SVOPL: variants seen among roughly 807,000 people sequenced by gnomAD.
SVOPL encodes SVOP like.
A neutral mutation model predicts 61.0 loss-of-function variants in SVOPL; 60 were observed. That is an observed-to-expected ratio of 0.98 (90% CI 0.80 to 1.22). The LOEUF is 1.22. Among genes scored for constraint, SVOPL ranks in the 50% most tolerant of loss-of-function variants. The pLI is 0.00. For synonymous variants in SVOPL, 279 were observed against 250.0 expected, an observed-to-expected ratio of 1.12 and a Z score of -1.09; for missense variants, 662 against 643.9, an observed-to-expected ratio of 1.03 and a Z score of -0.30.
chr7:138,652,032 T>C (rs546762318), intron 7 of SVOPL, among the ~76,000 whole-genome samples: 2 of 152,096 alleles, frequency 1.3e-5, no homozygotes, highest in South Asian at 4.2e-4. Flanking sequence ...GTCTAGTAGA[T>C]GGAATTACAG....
At chr7:138,641,844 T>TAAC (rs1444970047) in intron 9 of SVOPL, among the ~76,000 whole-genome samples, 1 of 144,676 alleles carries the variant, frequency 6.9e-6, no homozygotes, top group Admixed American at 7.0e-5. Context: ...AACATATATA[T>TAAC]ATAACATATA....
chr7:138,600,506 G>A (rs1011401083), intron 14 of SVOPL, among the ~76,000 whole-genome samples: 1 of 151,668 alleles, frequency 6.6e-6, no homozygotes, highest in African/African-American at 2.4e-5. Flanking sequence ...GAAGGCTGAG[G>A]TGGAAGGATC....
Position 138,637,497 on chromosome 7 carries a change from T to TAG in SVOPL, c.789+7219_789+7220insCT, listed in dbSNP as rs1199738868. Among the ~76,000 whole-genome samples, 65 of 21,298 alleles carry TAG rather than the reference T, an allele frequency of 3.1e-3. 2 individuals are homozygous for TAG. The South Asian group carries it at 0.065, about 21-fold the overall frequency. 14.0% of individuals were successfully genotyped at this position (21,298 alleles called of 152,430 possible). A position where few individuals can be genotyped will look rare whatever the true frequency, so the allele number is the denominator to read the frequency against. ...ATAGATATAGATATAGATAGATATATATATATATATATAGATAGATAGATA... is the reference window on the plus strand; with the variant it reads ...ATAGATATAGATATAGATAGATATATAGATATATATATATAGATAGATAGATA... On this transcript the variant is annotated intron_variant, in intron 9 of 15. Coordinates refer to ENST00000674285, the MANE Select transcript of SVOPL (RefSeq NM_001139456.2).
intron 13 of SVOPL, among the ~76,000 whole-genome samples, chr7:138,622,246 C>G (rs1336807899): frequency 0.08 from 8,599 of 107,038 alleles, 743 homozygotes; most frequent in Middle Eastern, 0.1. Context: ...ATCTATCTAT[C>G]TATCTATGTA....
At chr7:138,642,189 T>C (rs546458730) in intron 9 of SVOPL, among the ~76,000 whole-genome samples, 164 of 149,726 alleles carry the variant, frequency 1.1e-3, no homozygotes, top group African/African-American at 3.7e-3. Context: ...GCTAATTGTT[T>C]ATTAAAAATA....
At chr7:138,689,564 G>T (rs202005762) in intron 1 of SVOPL, 18 of 322,132 alleles carry the variant, frequency 5.6e-5, no homozygotes, top group Non-Finnish European at 8.1e-5. Flanking sequence ...AGTAAAAAAA[G>T]AAAAAAAAAA....
At position 138,594,443 on chromosome 7, in the gene SVOPL, TCAATATACAGTTA is replaced by T; in HGVS notation, c.*154_*166del. The T allele has an allele frequency of 2.2e-6, 1 of 450,714 alleles. No homozygotes were observed. Among genetic ancestry groups the T allele is most frequent in the Non-Finnish European group, 3.9e-6 (1 of 255,334 alleles). The allele number at this position is 450,714 out of a possible 1,614,324, so 27.9% of individuals were successfully genotyped here. A position where few individuals can be genotyped will look rare whatever the true frequency, so the allele number is the denominator to read the frequency against. On this transcript the variant is annotated 3_prime_UTR_variant, in exon 16 of 16. Coordinates refer to ENST00000674285, the MANE Select transcript of SVOPL (RefSeq NM_001139456.2). ...TATATATTGTTCCTCAAGGAAGAGA[TCAATATACAGTTA>T]CCTACCCCATTCCCATATATGCCTT...
intron 14 of SVOPL, among the ~76,000 whole-genome samples, chr7:138,612,589 C>A (rs2116826532): frequency 6.7e-6 from 1 of 149,958 alleles, no homozygotes; most frequent in African/African-American, 2.5e-5. Context: ...GATCTTAGCT[C>A]ACTGCACCTC....
chr7:138,634,391 C>T (rs1457398804), intron 9 of SVOPL, among the ~76,000 whole-genome samples: 1 of 151,874 alleles, frequency 6.6e-6, no homozygotes, highest in African/African-American at 2.4e-5. Flanking sequence ...GCCTGTAATT[C>T]CAGCACTTTG....
Position 138,620,998 on chromosome 7 carries a change from AC to A in SVOPL, c.1353+47del, listed in dbSNP as rs566543188. 276 of 1,561,162 alleles carry A rather than the reference AC, an allele frequency of 1.8e-4. No individual in the cohort carries two copies. In the African/African-American group the frequency reaches 3.5e-3, roughly 20 times the overall value. Reference sequence around the variant, plus strand: ...ATCTGAAGGTCCCTGGGTTCCTCTTACCCCCTCTCTCAGACTCTCTCTCTCC... The same window carrying A: ...ATCTGAAGGTCCCTGGGTTCCTCTTACCCCTCTCTCAGACTCTCTCTCTCC... On this transcript the variant is annotated intron_variant, in intron 14 of 15. Transcript: ENST00000674285.
intron 8 of SVOPL, among the ~76,000 whole-genome samples, chr7:138,648,356 A>G (rs1801229310): frequency 6.6e-6 from 1 of 151,302 alleles, no homozygotes; most frequent in Non-Finnish European, 1.5e-5. Flanking sequence ...CATGCCTGTA[A>G]TCCCAGCACT....
chr7:138,648,909 G>C, intron 8 of SVOPL, 103 bp downstream of exon 8: 1 of 1,534,112 alleles, frequency 6.5e-7, no homozygotes, highest in Non-Finnish European at 8.8e-7. Flanking sequence ...ACAACAAAGA[G>C]AGACTCTGTC....
intron 14 of SVOPL, among the ~76,000 whole-genome samples, chr7:138,611,869 C>G (rs1185609265): frequency 1.3e-5 from 1 of 79,118 alleles, no homozygotes. Context: ...CAGCCTCTGC[C>G]CGGCCGCCAC....
chr7:138,600,859 T>G (rs916005425), intron 14 of SVOPL, among the ~76,000 whole-genome samples: 1 of 152,104 alleles, frequency 6.6e-6, no homozygotes, highest in Non-Finnish European at 1.5e-5. Flanking sequence ...AAACTGACTG[T>G]CAGTGGTAAA....
intron 9 of SVOPL, among the ~76,000 whole-genome samples, chr7:138,637,833 T>C (rs1460565103): frequency 6.6e-6 from 1 of 151,644 alleles, no homozygotes; most frequent in Non-Finnish European, 1.5e-5. Context: ...GCACCTGTAA[T>C]CCCAGCTACT....
At chr7:138,629,976 C>G (rs76652002) in intron 10 of SVOPL, 73 bp downstream of exon 10, 1 of 1,255,186 alleles carries the variant, frequency 8.0e-7, no homozygotes, top group Admixed American at 1.7e-5. Flanking sequence ...GTGGCACTCA[C>G]ATAGATTTAC....
At chr7:138,596,620 C>A in intron 14 of SVOPL, 90 bp from the exon 15 acceptor site, 1 of 1,495,640 alleles carries the variant, frequency 6.7e-7, no homozygotes. Context: ...AGATTCACTT[C>A]ACTAAGATGG....
intron 3 of SVOPL, among the ~76,000 whole-genome samples, chr7:138,675,463 C>T (rs1360153559): frequency 6.6e-6 from 1 of 152,052 alleles, no homozygotes; most frequent in Non-Finnish European, 1.5e-5. Flanking sequence ...AAGCAATTCT[C>T]CTGACCCTGC....
At chr7:138,660,853 T>C in intron 5 of SVOPL, 4 of 984,590 alleles carry the variant, frequency 4.1e-6, no homozygotes, top group Non-Finnish European at 2.4e-6. Context: ...AGTAAGGGTG[T>C]CTATATACTT....
Sources: gnomAD v4.1 joint callset for allele counts (sites outside exome capture counted in the v4.1 genomes callset) on GRCh38, gnomAD v4.1.1 for gene constraint, MANE v1.5 for transcripts, NCBI Gene and HGNC (gene_info 2026-07-23, HGNC 2026-07-21) for gene names.